TTLL4: variants seen among roughly 807,000 people sequenced by gnomAD.
TTLL4 encodes the protein tubulin monoglutamylase TTLL4.
In TTLL4, 85 loss-of-function variants were observed where a neutral mutation model predicts 122.7. The ratio of observed to expected loss-of-function variants is 0.69; its 90% CI spans 0.58 to 0.83. The LOEUF is 0.83. TTLL4 is among the 40% of genes least tolerant of loss of function. The pLI is 0.00. For synonymous variants in TTLL4, 553 were observed against 563.0 expected, an observed-to-expected ratio of 0.98 and a Z score of 0.25; for missense variants, 1,363 against 1,488.6, an observed-to-expected ratio of 0.92 and a Z score of 1.39.
rs757631555 is a variant in TTLL4 at position 218,740,096 on chromosome 2, A to T, written c.1526A>T (p.Glu509Val). The T allele has an allele frequency of 1.9e-6, 3 of 1,614,224 alleles. No homozygotes were observed. Among genetic ancestry groups the T allele is most frequent in the Non-Finnish European group, 2.5e-6 (3 of 1,180,038 alleles). ...CTCCAGCCAGATCAGGCTGAGACTG[A>T]AGATACAGAAGAAGAACTAGTAGAT... is the stretch of plus-strand genomic sequence containing the variant. Reference protein sequence around the residue: ...TDLQPDQAETEDTEEELVDGL... With the variant: ...TDLQPDQAETVDTEEELVDGL... The change falls in exon 4 of 20, where the codon GAA becomes GTA. Residue 509 changes from glutamate to valine, a missense_variant. By Grantham distance (121) the Glu-to-Val change is moderately radical. Transcript: ENST00000392102.
At chr2:218,711,432 T>TG (rs1413494838) in intron 1 of TTLL4, among the ~76,000 whole-genome samples, 1 of 149,888 alleles carries the variant, frequency 6.7e-6, no homozygotes, top group African/African-American at 2.6e-5. Context: ...CATGGATATC[T>TG]GCTTTTTCAC....
Position 218,747,222 on chromosome 2 carries a change from T to A in TTLL4, c.2166+28T>A, listed in dbSNP as rs756090703. ...GAGTGAATCACAGTGGGCAGGAGAC[T>A]ATGGTCTGTGAGTGGGAACAACAGA... is the stretch of plus-strand genomic sequence containing the variant. On this transcript the variant is annotated intron_variant, in intron 9 of 19. Transcript: ENST00000392102. This position sits in a 1 kb window ranked among gnomAD's most constrained non-coding sequence, Gnocchi z 4.7. The A allele has an allele frequency of 1.2e-6, 2 of 1,614,014 alleles. No homozygotes were observed. Among genetic ancestry groups the A allele is most frequent in the South Asian group, 2.2e-5 (2 of 91,086 alleles).
At chr2:218,736,207 T>G (rs1942518869) in intron 2 of TTLL4, 1 of 152,000 alleles carries the variant, frequency 6.6e-6, no homozygotes, top group African/African-American at 2.4e-5. Flanking sequence ...ACTCCTGAGC[T>G]CAAGTGATCT....
chr2:218,723,549 A>G (rs1193574609), intron 1 of TTLL4, among the ~76,000 whole-genome samples: 1 of 152,214 alleles, frequency 6.6e-6, no homozygotes, highest in Non-Finnish European at 1.5e-5. Context: ...AGGTTGATTA[A>G]TGGGTGCAAA....
At position 218,754,421 on chromosome 2, in the gene TTLL4, G is replaced by C; in HGVS notation, c.*32G>C. ...TCTCTCCAAAAGCCTCTGCCCAGGA[G>C]CATGGGCATCAGCTACCTCACGGGA... On this transcript the variant is annotated 3_prime_UTR_variant, in exon 20 of 20. Coordinates refer to ENST00000392102, the MANE Select transcript of TTLL4 (RefSeq NM_014640.5). 1 of 1,611,224 alleles carries C rather than the reference G, an allele frequency of 6.2e-7. No individual in the cohort carries two copies. Among genetic ancestry groups the C allele is most frequent in the Non-Finnish European group, 8.5e-7 (1 of 1,178,698 alleles).
At chr2:218,753,093 A>C in intron 17 of TTLL4, 22 bp from the exon 18 acceptor site, 2 of 1,613,520 alleles carry the variant, frequency 1.2e-6, no homozygotes, top group South Asian at 2.2e-5. Context: ...TTAAACCCCA[A>C]CTCCTGCTAA....
rs1267323241 is a variant in TTLL4, at chr2:218,728,920, TA to T, written c.-99+1574del. On this transcript the variant is annotated intron_variant, in intron 2 of 19. Transcript: ENST00000392102. Reference sequence around the variant, plus strand: ...GGCATGGACAGGGAAGCTGGTGGTCTATTTTTTTTTTTTTTTTTTTTGGCGG... The same window carrying T: ...GGCATGGACAGGGAAGCTGGTGGTCTTTTTTTTTTTTTTTTTTTTTGGCGG... Among the ~76,000 whole-genome samples, 168 of 134,448 alleles carry T rather than the reference TA, an allele frequency of 1.2e-3. 1 individual carries two copies. The highest frequency in any genetic ancestry group is 5.2e-3 in the African/African-American group (164 of 31,260). 88.2% of individuals were successfully genotyped at this position (134,448 alleles called of 152,430 possible).
chr2:218,739,137 G>A lies in TTLL4; in HGVS notation c.1461G>A (p.Glu487=), dbSNP rs753284793. The change falls in exon 3 of 20, where the codon GAG becomes GAA. Residue 487 remains glutamate (E), a synonymous_variant. Coordinates refer to ENST00000392102, the MANE Select transcript of TTLL4 (RefSeq NM_014640.5). The part of the protein sequence containing the change: ...SEKERPEEAR[E]LDSSDRDISS... ...AGGAGAGACCTGAGGAGGCCAGGGA[G>A]CTGGACTCATCTGATAGGGATATTA... The A allele has an allele frequency of 6.2e-7, 1 of 1,613,714 alleles. No individual in the cohort carries two copies. The highest frequency in any genetic ancestry group is 2.2e-5 in the East Asian group (1 of 44,886).
intron 1 of TTLL4, among the ~76,000 whole-genome samples, chr2:218,725,808 A>G (rs959766197): frequency 1.3e-5 from 2 of 152,196 alleles, no homozygotes; most frequent in South Asian, 4.1e-4. Flanking sequence ...TGCCCGCCTC[A>G]GCCTCCCAAG....
At chr2:218,739,999 TCTAA>T in intron 3 of TTLL4, 55 bp from the exon 4 acceptor site, 1 of 1,492,426 alleles carries the variant, frequency 6.7e-7, no homozygotes, top group South Asian at 1.2e-5. Context: ...GGAATGAGAA[TCTAA>T]CTGTGACCTC....
intron 7 of TTLL4, 28 bp from the exon 8 acceptor site, chr2:218,746,127 A>G: frequency 1.2e-6 from 2 of 1,613,894 alleles, no homozygotes; most frequent in Non-Finnish European, 8.5e-7. Flanking sequence ...GCTGTTAGCA[A>G]GGCTGATTCC....
chr2:218,748,808 C>T (rs772290846), intron 12 of TTLL4, 28 bp from the exon 13 acceptor site: 8 of 1,601,010 alleles, frequency 5.0e-6, no homozygotes, highest in South Asian at 4.4e-5. Flanking sequence ...GAATTTAATT[C>T]CTAATACTTC....
intron 2 of TTLL4, among the ~76,000 whole-genome samples, chr2:218,729,177 G>A (rs768526788): frequency 6.6e-6 from 1 of 152,022 alleles, no homozygotes; most frequent in East Asian, 1.9e-4. Context: ...CAGGTGATCC[G>A]TCTGCCTCGG....
chr2:218,747,266 A>G lies in TTLL4; in HGVS notation c.2167-24A>G. On this transcript the variant is annotated intron_variant, in intron 9 of 19. Transcript: ENST00000392102. The surrounding 1 kb of genome is among the most constrained non-coding windows in gnomAD (Gnocchi z 4.7). Reference sequence around the variant, plus strand: ...CAACAGAGTATTGGACCTGGAGCAAATCTCATCTCCTTTCTGCTCCTAGCC... The same window carrying G: ...CAACAGAGTATTGGACCTGGAGCAAGTCTCATCTCCTTTCTGCTCCTAGCC... 3 of 1,614,096 alleles carry G rather than the reference A, an allele frequency of 1.9e-6. No homozygotes were observed. Among genetic ancestry groups the G allele is most frequent in the Non-Finnish European group, 2.5e-6 (3 of 1,180,020 alleles).
chr2:218,714,896 G>A (rs961567547), intron 1 of TTLL4, among the ~76,000 whole-genome samples: 2 of 150,876 alleles, frequency 1.3e-5, no homozygotes, highest in East Asian at 3.8e-4. Flanking sequence ...GAGCCACTGC[G>A]CTTAGCCTAT....
At chr2:218,743,727 C>T (rs1254852609) in intron 5 of TTLL4, among the ~76,000 whole-genome samples, 1 of 151,950 alleles carries the variant, frequency 6.6e-6, no homozygotes, top group African/African-American at 2.4e-5. Flanking sequence ...TTACCCAGGC[C>T]GGAGTGCAAT....
intron 2 of TTLL4, among the ~76,000 whole-genome samples, chr2:218,733,103 A>T (rs550775782): frequency 3.3e-5 from 5 of 152,274 alleles, no homozygotes; most frequent in African/African-American, 1.2e-4. Flanking sequence ...TTTCCCAGAA[A>T]GAGAGTTACA....
At chr2:218,712,654 TG>T (rs1416331666) in intron 1 of TTLL4, among the ~76,000 whole-genome samples, 1 of 152,134 alleles carries the variant, frequency 6.6e-6, no homozygotes, top group Non-Finnish European at 1.5e-5. Flanking sequence ...CCCAAAATGT[TG>T]GGATTACAGG....
chr2:218,740,211 A>C (rs752057480), intron 4 of TTLL4, 44 bp downstream of exon 4: 1 of 1,585,230 alleles, frequency 6.3e-7, no homozygotes, highest in Non-Finnish European at 8.7e-7. Context: ...GTTGGTTATG[A>C]CCTGTTGGGC....
Sources: allele counts gnomAD v4.1 joint callset (sites outside exome capture counted in the v4.1 genomes callset), GRCh38; gene constraint gnomAD v4.1.1; non-coding constraint Gnocchi (gnomAD v3.1); transcripts MANE v1.5; gene names NCBI Gene and HGNC (gene_info 2026-07-23, HGNC 2026-07-21).